Variants in ADARB1 observed in about 807,000 individuals in gnomAD.
ADARB1 encodes the protein double-stranded RNA-specific editase 1.
ADARB1 carries 10 observed loss-of-function variants against 52.4 expected under a neutral mutation model. That is an observed-to-expected ratio of 0.19 (90% CI 0.12 to 0.32). The LOEUF (loss-of-function observed/expected upper bound fraction) is 0.32. ADARB1 is among the 10% of genes least tolerant of loss of function. ADARB1 has a pLI of 1.00. For synonymous variants in ADARB1, 349 were observed against 371.1 expected, an observed-to-expected ratio of 0.94 and a Z score of 0.68; for missense variants, 643 against 922.3, an observed-to-expected ratio of 0.70 and a Z score of 3.92.
At chr21:45,193,494 TG>T (rs869205498) in intron 8 of ADARB1, among the ~76,000 whole-genome samples, 4 of 110,678 alleles carry the variant, frequency 3.6e-5, no homozygotes, top group African/African-American at 1.2e-4. Flanking sequence ...CAAGATTGTC[TG>T]CTCTCCCCAC....
At chr21:45,076,638 A>G (rs2085947811) in intron 1 of ADARB1, among the ~76,000 whole-genome samples, 1 of 152,234 alleles carries the variant, frequency 6.6e-6, no homozygotes, top group Admixed American at 6.5e-5. Flanking sequence ...GGGAAGGATT[A>G]GCTATGAAGT....
In ADARB1 at chr21:45,223,811, C is replaced by T. The variant is rs946434089; in HGVS notation, c.*1614C>T. The T allele has an allele frequency of 1.0e-5, 10 of 985,266 alleles. No individual in the cohort carries two copies. Among genetic ancestry groups the T allele is most frequent in the African/African-American group, 7.0e-5 (4 of 57,222 alleles). The allele number at this position is 985,266 out of a possible 1,614,324, so 61.0% of individuals were successfully genotyped here. A position where few individuals can be genotyped will look rare whatever the true frequency, so the allele number is the denominator to read the frequency against. ...CTCCTGATGTCAGGAGCCCCATCCA[C>T]GTGTGTCCACACAGATCTCGTCGCA... On this transcript the variant is annotated 3_prime_UTR_variant, in exon 11 of 11. Transcript: ENST00000348831.
At chr21:45,198,371 A>T (rs192288359) in intron 8 of ADARB1, among the ~76,000 whole-genome samples, 12 of 152,308 alleles carry the variant, frequency 7.9e-5, no homozygotes, top group Non-Finnish European at 1.6e-4. Flanking sequence ...AGAGTCCTAG[A>T]CACTTCAGCA....
intron 4 of ADARB1, among the ~76,000 whole-genome samples, chr21:45,179,776 T>C (rs1429577994): frequency 1.4e-5 from 1 of 69,206 alleles, no homozygotes; most frequent in African/African-American, 6.0e-5. Context: ...TTGAGGGAGG[T>C]GCTGTGCACA....
intron 3 of ADARB1, 57 bp downstream of exon 3, chr21:45,171,741 G>A: frequency 6.5e-7 from 1 of 1,527,678 alleles, no homozygotes; most frequent in Middle Eastern, 1.7e-4. Context: ...TAACATTTTG[G>A]TGTTTTTGCA....
chr21:45,184,530 C>A, intron 7 of ADARB1: 1 of 358,996 alleles, frequency 2.8e-6, no homozygotes, highest in Admixed American at 3.2e-5. Flanking sequence ...CTCACTGCAG[C>A]CTCGACCTCC....
Position 45,224,953 on chromosome 21 carries a change from C to A in ADARB1, c.*2756C>A. On this transcript the variant is annotated 3_prime_UTR_variant, in exon 11 of 11. Coordinates refer to ENST00000348831, the MANE Select transcript of ADARB1 (RefSeq NM_001112.4). ...GACGTGTCACTCTCCATCCAGTGTC[C>A]TTGATGTGGCTTTTAGAGACTTAGC... 1 of 985,488 alleles carries A rather than the reference C, an allele frequency of 1.0e-6. No homozygotes were observed. The highest frequency in any genetic ancestry group is 4.7e-5 in the South Asian group (1 of 21,276). The allele number at this position is 985,488 out of a possible 1,614,324, so 61.0% of individuals were successfully genotyped here.
Position 45,157,091 on chromosome 21 carries a change from A to C in ADARB1, c.-47-14519A>C, listed in dbSNP as rs942504930. On this transcript the variant is annotated intron_variant, in intron 2 of 10. Coordinates refer to ENST00000348831, the MANE Select transcript of ADARB1 (RefSeq NM_001112.4). This position sits in a 1 kb window ranked among gnomAD's most constrained non-coding sequence, Gnocchi z 4.1. ...TGTAATGGCTATGTGTGTACCTTTC[A>C]CTGCATCTGTGCTGATGGGCCTCGC... 6.6e-6 allele frequency among the ~76,000 whole-genome samples: 1 copy of C among 152,204 alleles called. No homozygotes were observed. The highest frequency in any genetic ancestry group is 2.4e-5 in the African/African-American group (1 of 41,446).
chr21:45,163,788 T>G (rs1601703815), intron 2 of ADARB1, among the ~76,000 whole-genome samples: 1 of 151,162 alleles, frequency 6.6e-6, no homozygotes, highest in South Asian at 2.1e-4. Flanking sequence ...GTGAGTGGGG[T>G]GACTGAAGGG....
At position 45,180,542 on chromosome 21, in the gene ADARB1, G is replaced by C. The variant is rs1054516773; in HGVS notation, c.1078+98G>C. 5 of 970,790 alleles carry C rather than the reference G, an allele frequency of 5.2e-6. No homozygotes were observed. In the African/African-American group the frequency reaches 8.1e-5, roughly 16 times the overall value. 60.1% of individuals were successfully genotyped at this position (970,790 alleles called of 1,614,324 possible). A position where few individuals can be genotyped will look rare whatever the true frequency, so the allele number is the denominator to read the frequency against. ...AAAAACCACTGTGCCACACCGACGG[G>C]AGATGGTTACTTCTTTTCTTCTTCA... is the stretch of plus-strand genomic sequence containing the variant. On this transcript the variant is annotated intron_variant, in intron 5 of 10. Transcript: ENST00000348831.
intron 1 of ADARB1, among the ~76,000 whole-genome samples, chr21:45,093,325 G>A (rs2086631716): frequency 6.6e-6 from 1 of 152,202 alleles, no homozygotes; most frequent in Non-Finnish European, 1.5e-5. Flanking sequence ...GGGGCTACAG[G>A]GACTTTTCTC....
intron 2 of ADARB1, among the ~76,000 whole-genome samples, chr21:45,143,479 G>A (rs1352795421): frequency 6.6e-6 from 1 of 152,160 alleles, no homozygotes; most frequent in Non-Finnish European, 1.5e-5. Context: ...CATGCCTCTT[G>A]TGCCCCTGTC....
At chr21:45,167,643 C>T (rs530037236) in intron 2 of ADARB1, among the ~76,000 whole-genome samples, 56 of 152,094 alleles carry the variant, frequency 3.7e-4, no homozygotes, top group African/African-American at 1.2e-3. Context: ...CCCAGCTACT[C>T]GGGAGGCTGA....
intron 1 of ADARB1, among the ~76,000 whole-genome samples, chr21:45,105,842 T>C (rs961120739): frequency 6.6e-6 from 1 of 152,268 alleles, no homozygotes; most frequent in Non-Finnish European, 1.5e-5. Context: ...AGCTCACCAC[T>C]GTCCAGTCTT....
At chr21:45,160,040 A>G (rs1470482040) in intron 2 of ADARB1, among the ~76,000 whole-genome samples, 1 of 152,254 alleles carries the variant, frequency 6.6e-6, no homozygotes, top group Non-Finnish European at 1.5e-5. Context: ...TTGTCTAAAG[A>G]CAATTATCGA....
intron 1 of ADARB1, among the ~76,000 whole-genome samples, chr21:45,111,837 T>TA (rs1416629694): frequency 6.6e-6 from 1 of 152,216 alleles, no homozygotes; most frequent in Non-Finnish European, 1.5e-5. Context: ...ACCATACTGA[T>TA]ACATGTGTTT....
At chr21:45,095,668 G>A (rs1032801658) in intron 1 of ADARB1, among the ~76,000 whole-genome samples, 1 of 152,178 alleles carries the variant, frequency 6.6e-6, no homozygotes, top group African/African-American at 2.4e-5. Context: ...CCAGCCTGAC[G>A]TTCCAGCTGA....
rs369586520 is a variant in ADARB1 at position 45,208,729 on chromosome 21, A to AGT, written c.1747+4008_1747+4009dup. Reference sequence around the variant, plus strand: ...GCTCACATGAGTGTATGAGAGAGAGAGTGTGTGTGTGTGTGTATGCGTATT... The same window carrying AGT: ...GCTCACATGAGTGTATGAGAGAGAGAGTGTGTGTGTGTGTGTGTATGCGTATT... On this transcript the variant is annotated intron_variant, in intron 9 of 10. Coordinates refer to ENST00000348831, the MANE Select transcript of ADARB1 (RefSeq NM_001112.4). The surrounding 1 kb of genome is among the most constrained non-coding windows in gnomAD (Gnocchi z 5.6). Among the ~76,000 whole-genome samples, 475 of 149,530 alleles carry AGT rather than the reference A, an allele frequency of 3.2e-3. 2 individuals carry two copies. Among genetic ancestry groups the AGT allele is most frequent in the African/African-American group, 0.011 (437 of 40,552 alleles).
At position 45,222,278 on chromosome 21, in the gene ADARB1, C is replaced by A. The variant is rs1427198504; in HGVS notation, c.*81C>A. On this transcript the variant is annotated 3_prime_UTR_variant, in exon 11 of 11. Transcript: ENST00000348831. The stretch of plus-strand genomic sequence containing the variant: ...CAGAACCTCACATCTGAACTGGGGG[C>A]AGGTGCATACCTTGGGGAGGGAGTA... 1 of 1,449,334 alleles carries A rather than the reference C, an allele frequency of 6.9e-7. No homozygotes were observed. The highest frequency in any genetic ancestry group is 9.0e-7 in the Non-Finnish European group (1 of 1,105,692). 89.8% of individuals were successfully genotyped at this position (1,449,334 alleles called of 1,614,324 possible).
Sources: allele counts gnomAD v4.1 joint callset (sites outside exome capture counted in the v4.1 genomes callset), GRCh38; gene constraint gnomAD v4.1.1; non-coding constraint Gnocchi (gnomAD v3.1); transcripts MANE v1.5; gene names NCBI Gene and HGNC (gene_info 2026-07-23, HGNC 2026-07-21).